REPS1: variants seen among roughly 807,000 people sequenced by gnomAD.
REPS1 encodes the protein RALBP1 associated Eps domain containing 1, also known as ralBP1-associated Eps domain-containing protein 1.
REPS1 carries 39 observed loss-of-function variants against 100.9 expected under a neutral mutation model. The ratio of observed to expected loss-of-function variants is 0.39; its 90% confidence interval spans 0.30 to 0.50. The LOEUF is 0.50. REPS1 is among the 20% of genes least tolerant of loss of function. The probability of loss-of-function intolerance (pLI) is 0.86; values close to 1 mark genes in which losing one functional copy is unlikely to be tolerated. For synonymous variants in REPS1, 324 were observed against 340.3 expected (o/e 0.95, Z 0.53); for missense variants, 821 against 968.5 (o/e 0.85, Z 2.02).
chr6:138,967,175 TAGCCAGA>T (rs1784072737), intron 1 of REPS1, among the ~76,000 whole-genome samples: 1 of 152,262 alleles, frequency 6.6e-6, no homozygotes, highest in East Asian at 1.9e-4. Context: ...AAGAAGGCCC[TAGCCAGA>T]TATGAGCTCC....
chr6:138,912,232 A>G (rs1197307705), intron 16 of REPS1, among the ~76,000 whole-genome samples: 1 of 152,226 alleles, frequency 6.6e-6, no homozygotes, highest in Non-Finnish European at 1.5e-5. Context: ...CTACAATAGA[A>G]TATCCTAGAA....
intron 9 of REPS1, 82 bp downstream of exon 9, chr6:138,929,895 G>C: frequency 7.2e-7 from 1 of 1,379,892 alleles, no homozygotes; most frequent in South Asian, 1.2e-5. Flanking sequence ...TGCTGGAAGA[G>C]ACAGACTGAA....
chr6:138,956,068 G>A (rs1360744739), intron 1 of REPS1, among the ~76,000 whole-genome samples: 1 of 152,118 alleles, frequency 6.6e-6, no homozygotes, highest in Non-Finnish European at 1.5e-5. Flanking sequence ...GCATTAATAT[G>A]AGTGTTATAA....
At chr6:138,959,392 A>G (rs1783595923) in intron 1 of REPS1, among the ~76,000 whole-genome samples, 2 of 152,192 alleles carry the variant, frequency 1.3e-5, no homozygotes, top group South Asian at 4.1e-4. Context: ...AAAAGACACA[A>G]TGACGAATGC....
chr6:138,913,210 A>G (rs1365656127), intron 15 of REPS1, among the ~76,000 whole-genome samples: 1 of 152,174 alleles, frequency 6.6e-6, no homozygotes, highest in African/African-American at 2.4e-5. Flanking sequence ...TATTGCAAAG[A>G]AAGTACAATG....
chr6:138,908,052 T>G (rs761634031), intron 18 of REPS1, among the ~76,000 whole-genome samples: 2 of 152,218 alleles, frequency 1.3e-5, no homozygotes, highest in Non-Finnish European at 2.9e-5. Context: ...AGGCTGAATT[T>G]GGCCCATTAA....
intron 1 of REPS1, among the ~76,000 whole-genome samples, chr6:138,987,184 G>C (rs1158276248): frequency 1.3e-5 from 2 of 152,126 alleles, no homozygotes; most frequent in African/African-American, 4.8e-5. Context: ...GATCCGAAAA[G>C]CTCTCTATAT....
chr6:138,949,763 G>A (rs1385710652), intron 1 of REPS1, among the ~76,000 whole-genome samples: 1 of 151,680 alleles, frequency 6.6e-6, no homozygotes, highest in African/African-American at 2.4e-5. Flanking sequence ...TATACATATT[G>A]ACCTGCAAAC....
intron 12 of REPS1, among the ~76,000 whole-genome samples, chr6:138,919,792 A>G (rs557223850): frequency 6.6e-6 from 1 of 152,320 alleles, no homozygotes; most frequent in South Asian, 2.1e-4. Flanking sequence ...ACTTTCTAAT[A>G]TAAGAGTTAT....
chr6:138,935,531 A>G (rs1477415414), intron 8 of REPS1, among the ~76,000 whole-genome samples: 1 of 152,110 alleles, frequency 6.6e-6, no homozygotes, highest in Non-Finnish European at 1.5e-5. Flanking sequence ...ATCTACAGAG[A>G]AAATAGTGGA....
At chr6:138,940,899 G>C (rs2128470635) in intron 8 of REPS1, among the ~76,000 whole-genome samples, 1 of 152,162 alleles carries the variant, frequency 6.6e-6, no homozygotes, top group East Asian at 1.9e-4. Flanking sequence ...AGAGAGCGTG[G>C]TATTTTAAAG....
chr6:138,945,184 C>G, intron 4 of REPS1, 35 bp downstream of exon 4: 1 of 1,552,336 alleles, frequency 6.4e-7, no homozygotes, highest in Non-Finnish European at 8.7e-7. Context: ...GCCTGGGCAA[C>G]ACAATGACAC....
chr6:138,944,435 C>A, intron 5 of REPS1, 63 bp downstream of exon 5: 1 of 1,532,388 alleles, frequency 6.5e-7, no homozygotes, highest in Non-Finnish European at 8.8e-7. Context: ...AATATAAAAA[C>A]AACGACTGGA....
At chr6:138,922,207 A>C (rs1476594703) in intron 10 of REPS1, among the ~76,000 whole-genome samples, 1 of 152,194 alleles carries the variant, frequency 6.6e-6, no homozygotes, top group Non-Finnish European at 1.5e-5. Context: ...TTTAACCTAT[A>C]AAACAAAGTT....
intron 1 of REPS1, among the ~76,000 whole-genome samples, chr6:138,974,958 A>G (rs531513060): frequency 1.1e-3 from 165 of 151,858 alleles, no homozygotes; most frequent in African/African-American, 3.7e-3. Context: ...CCATGCCACC[A>G]CACTCCAGCC....
At chr6:138,967,760 C>T (rs1358336424) in intron 1 of REPS1, among the ~76,000 whole-genome samples, 1 of 152,140 alleles carries the variant, frequency 6.6e-6, no homozygotes, top group Non-Finnish European at 1.5e-5. Context: ...CTCCAAAAAG[C>T]TGCTTCCTAC....
intron 15 of REPS1, among the ~76,000 whole-genome samples, chr6:138,913,318 A>AC (rs1780137538): frequency 6.6e-6 from 1 of 151,120 alleles, no homozygotes; most frequent in African/African-American, 2.4e-5. Flanking sequence ...TAAATAAGTT[A>AC]TTTTTTTTTA....
intron 19 of REPS1, among the ~76,000 whole-genome samples, chr6:138,905,617 T>C (rs1486161118): frequency 6.6e-6 from 1 of 152,226 alleles, no homozygotes; most frequent in African/African-American, 2.4e-5. Context: ...ATATGTTTAA[T>C]ATTAAAATAA....
intron 1 of REPS1, among the ~76,000 whole-genome samples, chr6:138,952,119 C>A (rs1469528879): frequency 6.6e-6 from 1 of 151,952 alleles, no homozygotes; most frequent in Non-Finnish European, 1.5e-5. Context: ...TGTACATGCT[C>A]ATGGTAAAAT....
Sources: allele counts gnomAD v4.1 joint callset (sites outside exome capture counted in the v4.1 genomes callset), GRCh38; gene constraint gnomAD v4.1.1; transcripts MANE v1.5; gene names NCBI Gene and HGNC (gene_info 2026-07-23, HGNC 2026-07-21).